SPATA17: variants seen among roughly 807,000 people sequenced by gnomAD.
SPATA17 encodes spermatogenesis-associated protein 17.
In SPATA17, 53 loss-of-function variants were observed where a neutral mutation model predicts 62.2. The observed-to-expected ratio is 0.85, with a 90% confidence interval of 0.68 to 1.07. SPATA17 has a LOEUF of 1.07. SPATA17 is among the 50% of genes least tolerant of loss of function. The probability of loss-of-function intolerance (pLI) is 0.00; values close to 1 mark genes in which losing one functional copy is unlikely to be tolerated. For synonymous variants in SPATA17, 146 were observed against 146.8 expected (o/e 0.99, Z 0.04); for missense variants, 466 against 425.5 (o/e 1.10, Z -0.84).
intron 1 of SPATA17, among the ~76,000 whole-genome samples, chr1:217,634,882 C>T (rs1488811472): frequency 2.0e-5 from 3 of 146,492 alleles, no homozygotes; most frequent in African/African-American, 7.6e-5. Context: ...TGTCACTTGA[C>T]AGAGTATTGG....
At chr1:217,844,773 G>C (rs1675486629) in intron 9 of SPATA17, among the ~76,000 whole-genome samples, 1 of 152,048 alleles carries the variant, frequency 6.6e-6, no homozygotes, top group African/African-American at 2.4e-5. Context: ...GTGACAACTA[G>C]AGTATGTCTA....
At chr1:217,712,196 G>A (rs538705545) in intron 5 of SPATA17, among the ~76,000 whole-genome samples, 70 of 146,224 alleles carry the variant, frequency 4.8e-4, no homozygotes, top group Non-Finnish European at 8.2e-4. Flanking sequence ...GTACGATCTC[G>A]GCTCACTGCA....
At chr1:217,791,674 T>C (rs10495075) in intron 8 of SPATA17, among the ~76,000 whole-genome samples, 42,480 of 152,078 alleles carry the variant, frequency 0.28, 6,393 homozygotes, top group East Asian at 0.52. Flanking sequence ...TTTTAGTATA[T>C]ATCATCAGAC....
At chr1:217,784,057 A>C (rs935636489) in intron 8 of SPATA17, among the ~76,000 whole-genome samples, 1 of 152,148 alleles carries the variant, frequency 6.6e-6, no homozygotes, top group African/African-American at 2.4e-5. Context: ...CTTTAACCTA[A>C]GGATAATTCC....
intron 5 of SPATA17, among the ~76,000 whole-genome samples, chr1:217,730,801 CTG>C (rs1672387438): frequency 6.6e-6 from 1 of 151,932 alleles, no homozygotes; most frequent in Non-Finnish European, 1.5e-5. Context: ...TAAAAAAACT[CTG>C]TGATAGGGAT....
chr1:217,808,869 G>T (rs1179992904), intron 9 of SPATA17, among the ~76,000 whole-genome samples: 1 of 148,490 alleles, frequency 6.7e-6, no homozygotes, highest in Non-Finnish European at 1.5e-5. Context: ...AAAAAAAAAA[G>T]TAAAATGCAA....
chr1:217,644,996 C>A (rs966138930), intron 1 of SPATA17, among the ~76,000 whole-genome samples: 4 of 151,932 alleles, frequency 2.6e-5, no homozygotes, highest in African/African-American at 9.7e-5. Flanking sequence ...TCTAGCAGTT[C>A]ATGACATATT....
At chr1:217,677,145 A>G (rs1266225264) in intron 4 of SPATA17, among the ~76,000 whole-genome samples, 1 of 152,144 alleles carries the variant, frequency 6.6e-6, no homozygotes, top group Non-Finnish European at 1.5e-5. Context: ...TTAAACAACA[A>G]ATTTGCCAAA....
chr1:217,733,980 G>A (rs1672452967), intron 5 of SPATA17, among the ~76,000 whole-genome samples: 1 of 152,204 alleles, frequency 6.6e-6, no homozygotes, highest in Non-Finnish European at 1.5e-5. Flanking sequence ...GATCCGGGGA[G>A]TAGGTAACCA....
At position 217,637,384 on chromosome 1, in the gene SPATA17, C is replaced by T. The variant is rs545682085; in HGVS notation, c.68+5938C>T. Among the ~76,000 whole-genome samples the T allele has an allele frequency of 3.9e-5, 6 of 152,006 alleles. No individual in the cohort carries two copies. In the East Asian group the frequency reaches 5.8e-4, roughly 15 times the overall value. ...GATCTTTAAATTATTAAGTTTCTGC[C>T]GGGAATTAAGTTCATCAAATACATA... is the stretch of plus-strand genomic sequence containing the variant. On this transcript the variant is annotated intron_variant, in intron 1 of 10. Coordinates refer to ENST00000366933, the MANE Select transcript of SPATA17 (RefSeq NM_138796.4).
intron 3 of SPATA17, among the ~76,000 whole-genome samples, chr1:217,663,975 A>C (rs1473689692): frequency 6.6e-6 from 1 of 152,062 alleles, no homozygotes; most frequent in Non-Finnish European, 1.5e-5. Context: ...AACTGAGGAA[A>C]AGAAGAGATC....
chr1:217,838,761 A>G (rs1384169223), intron 9 of SPATA17, among the ~76,000 whole-genome samples: 1 of 152,074 alleles, frequency 6.6e-6, no homozygotes, highest in East Asian at 1.9e-4. Flanking sequence ...CTTAATCGAG[A>G]GATAAGATTA....
At chr1:217,699,571 T>C (rs1465732212) in intron 5 of SPATA17, among the ~76,000 whole-genome samples, 1 of 152,156 alleles carries the variant, frequency 6.6e-6, no homozygotes, top group Non-Finnish European at 1.5e-5. Context: ...ATGGTTGAGA[T>C]TTTGGGAGTT....
intron 6 of SPATA17, among the ~76,000 whole-genome samples, chr1:217,768,377 T>G (rs548823351): frequency 6.6e-6 from 1 of 152,346 alleles, no homozygotes; most frequent in South Asian, 2.1e-4. Context: ...ATGCTTAAAC[T>G]GGCCAACTTC....
chr1:217,676,317 A>G (rs1670945852), intron 4 of SPATA17, among the ~76,000 whole-genome samples: 1 of 152,146 alleles, frequency 6.6e-6, no homozygotes, highest in African/African-American at 2.4e-5. Context: ...AACAAAGAGA[A>G]TTTGTCATTT....
chr1:217,774,244 A>T, intron 6 of SPATA17, 90 bp from the exon 7 acceptor site: 1 of 1,105,106 alleles, frequency 9.0e-7, no homozygotes, highest in Non-Finnish European at 1.3e-6. Context: ...AATATTCTTT[A>T]AACATAAGAA....
At chr1:217,796,692 TGTC>T (rs1255643674) in intron 8 of SPATA17, among the ~76,000 whole-genome samples, 1 of 152,218 alleles carries the variant, frequency 6.6e-6, no homozygotes, top group Non-Finnish European at 1.5e-5. Flanking sequence ...AAAGGAAGTC[TGTC>T]TAATTTCTAT....
At chr1:217,824,161 A>G (rs1674933626) in intron 9 of SPATA17, among the ~76,000 whole-genome samples, 3 of 151,974 alleles carry the variant, frequency 2.0e-5, no homozygotes, top group South Asian at 2.1e-4. Flanking sequence ...TATTTTCCAA[A>G]TAGCTACTAA....
Position 217,697,894 on chromosome 1 carries a change from G to T in SPATA17, c.395+14533G>T, listed in dbSNP as rs577317870. Among the ~76,000 whole-genome samples, 12 of 151,960 alleles carry T rather than the reference G, an allele frequency of 7.9e-5. 2 individuals are homozygous for T. In the South Asian group the frequency reaches 1.2e-3, roughly 16 times the overall value. On this transcript the variant is annotated intron_variant, in intron 5 of 10. Transcript: ENST00000366933. ...CTTCTTTGTGTTATTTATTTTATTT[G>T]CCCTTTATTCAACCTTTTGTGAAAT...
Sources: gnomAD v4.1 joint callset for allele counts (sites outside exome capture counted in the v4.1 genomes callset) on GRCh38, gnomAD v4.1.1 for gene constraint, MANE v1.5 for transcripts, NCBI Gene and HGNC (gene_info 2026-07-23, HGNC 2026-07-21) for gene names.